TSPAN18: variants seen among roughly 807,000 people sequenced by gnomAD.
TSPAN18 encodes tetraspanin-18.
Under a neutral mutation model 27.3 loss-of-function variants are expected in TSPAN18, and 14 were observed. The ratio of observed to expected loss-of-function variants is 0.51; its 90% CI spans 0.34 to 0.80. The LOEUF (loss-of-function observed/expected upper bound fraction) is 0.80. Among genes scored for constraint, TSPAN18 ranks in the 30% least tolerant of loss-of-function variants. TSPAN18 has a pLI of 0.01. For synonymous variants in TSPAN18, 143 were observed against 136.5 expected (o/e 1.05, Z -0.33); for missense variants, 268 against 323.9 (o/e 0.83, Z 1.32).
intron 2 of TSPAN18, among the ~76,000 whole-genome samples, chr11:44,780,766 G>T (rs78561839): frequency 0.019 from 2,864 of 152,318 alleles, 108 homozygotes; most frequent in African/African-American, 0.065. Context: ...AGGGATCATG[G>T]TTCCTCACTC....
At chr11:44,798,560 G>A (rs964357729) in intron 2 of TSPAN18, among the ~76,000 whole-genome samples, 1 of 152,202 alleles carries the variant, frequency 6.6e-6, no homozygotes, top group African/African-American at 2.4e-5. Flanking sequence ...AAGCCACTCT[G>A]GGGGCCCCAA....
In TSPAN18 at chr11:44,906,622, T is replaced by C; in HGVS notation, c.63+143T>C. On this transcript the variant is annotated intron_variant, in intron 4 of 9. Transcript: ENST00000520358. ...GGGGTACCTGCCAGCCAGGCTTTCA[T>C]GGAAGGGGGCCCCCAGCAGTGCCCA... 3.8e-6 allele frequency: 3 copies of C among 794,088 alleles called. No individual in the cohort carries two copies. In the South Asian group the frequency reaches 4.7e-5, roughly 13 times the overall value. 49.2% of individuals were successfully genotyped at this position (794,088 alleles called of 1,614,324 possible).
chr11:44,870,736 C>A (rs1340393265), intron 3 of TSPAN18, among the ~76,000 whole-genome samples: 3 of 152,202 alleles, frequency 2.0e-5, no homozygotes, highest in Non-Finnish European at 4.4e-5. Flanking sequence ...CAGAGGATGG[C>A]TGGATTTAAA....
At chr11:44,917,595 G>A (rs748829598) in intron 5 of TSPAN18, 30 of 166,530 alleles carry the variant, frequency 1.8e-4, no homozygotes, top group Admixed American at 3.8e-4. Context: ...CAGGATTCTC[G>A]CAGCCCGTAC....
chr11:44,858,152 G>T (rs1857785008), intron 2 of TSPAN18, among the ~76,000 whole-genome samples: 2 of 152,126 alleles, frequency 1.3e-5, no homozygotes, highest in Admixed American at 1.3e-4. Context: ...CTGACCATGG[G>T]ACCTTTCTAT....
chr11:44,852,419 T>A (rs977508826), intron 2 of TSPAN18, among the ~76,000 whole-genome samples: 5 of 152,192 alleles, frequency 3.3e-5, no homozygotes, highest in Non-Finnish European at 7.3e-5. Context: ...TGGTCAGAAG[T>A]AGAGACAGGA....
intron 2 of TSPAN18, among the ~76,000 whole-genome samples, chr11:44,772,898 C>A (rs1855720639): frequency 1.3e-5 from 2 of 151,714 alleles, no homozygotes; most frequent in African/African-American, 4.8e-5. Context: ...CCTAGGCGAT[C>A]CACCTGCCTC....
At chr11:44,875,440 T>C (rs1422472083) in intron 3 of TSPAN18, among the ~76,000 whole-genome samples, 2 of 152,174 alleles carry the variant, frequency 1.3e-5, no homozygotes, top group Non-Finnish European at 2.9e-5. Context: ...TGCCGAGGGA[T>C]TTACCACCTC....
chr11:44,771,115 C>T (rs1855681011), intron 2 of TSPAN18, among the ~76,000 whole-genome samples: 1 of 152,144 alleles, frequency 6.6e-6, no homozygotes, highest in Non-Finnish European at 1.5e-5. Flanking sequence ...AATGAGATCA[C>T]TCAGGTAGTG....
At chr11:44,831,059 G>A (rs1197696377) in intron 2 of TSPAN18, among the ~76,000 whole-genome samples, 1 of 152,188 alleles carries the variant, frequency 6.6e-6, no homozygotes, top group Non-Finnish European at 1.5e-5. Flanking sequence ...GTTGCAGTGA[G>A]CTGAGATCAC....
In TSPAN18 at chr11:44,929,153, T is replaced by C. The variant is rs1860477816; in HGVS notation, c.722T>C (p.Met241Thr). ...CAGCTTTTCGCCATGATCTTTGCCA[T>C]GTGCCTCTTCCGGGGCATCCAGTAG... ...AIELFAMIFA[M>T]CLFRGIQ is the part of the protein sequence containing the mutation. The change falls in exon 10 of 10, where the codon ATG (methionine) becomes ACG (threonine). Residue 241 changes from methionine to threonine, a missense_variant. Coordinates refer to ENST00000520358, the MANE Select transcript of TSPAN18 (RefSeq NM_130783.5). 1.2e-6 allele frequency: 2 copies of C among 1,613,534 alleles called. No homozygotes were observed. The highest frequency in any genetic ancestry group is 1.3e-5 in the African/African-American group (1 of 74,914).
rs548748540 is a variant in TSPAN18 at position 44,894,595 on chromosome 11, C to T, written c.-10-11812C>T. 5.6e-4 allele frequency among the ~76,000 whole-genome samples: 86 copies of T among 152,324 alleles called. 1 individual carries two copies. Among genetic ancestry groups the T allele is most frequent in the African/African-American group, 1.9e-3 (78 of 41,570 alleles). On this transcript the variant is annotated intron_variant, in intron 3 of 9. Coordinates refer to ENST00000520358, the MANE Select transcript of TSPAN18 (RefSeq NM_130783.5). ...GCCGCCATCTGGGCGACAGGAGGGG[C>T]GAGATTAATAAAGCTGTCTGGCCCG...
intron 5 of TSPAN18, among the ~76,000 whole-genome samples, chr11:44,910,140 A>G (rs1220119648): frequency 6.6e-6 from 1 of 152,220 alleles, no homozygotes. Context: ...TTGGCAGCAG[A>G]GGGGATGATA....
intron 1 of TSPAN18, among the ~76,000 whole-genome samples, chr11:44,761,021 CTG>C (rs2134883910): frequency 6.6e-6 from 1 of 152,276 alleles, no homozygotes; most frequent in South Asian, 2.1e-4. Flanking sequence ...TCACAACAGC[CTG>C]TGAGTCATCA....
intron 1 of TSPAN18, among the ~76,000 whole-genome samples, chr11:44,735,397 C>G (rs948693130): frequency 6.6e-6 from 1 of 152,228 alleles, no homozygotes; most frequent in Non-Finnish European, 1.5e-5. Context: ...AAGCTAAAAG[C>G]CTGCAGACAA....
At chr11:44,815,846 G>A (rs111536461) in intron 2 of TSPAN18, among the ~76,000 whole-genome samples, 9,166 of 152,136 alleles carry the variant, frequency 0.06, 358 homozygotes, top group African/African-American at 0.11. Flanking sequence ...GAAGTGTGCC[G>A]GGCCGAGAGA....
intron 8 of TSPAN18, among the ~76,000 whole-genome samples, chr11:44,923,950 T>C (rs1860243209): frequency 1.3e-5 from 2 of 152,162 alleles, no homozygotes; most frequent in Admixed American, 6.5e-5. Flanking sequence ...AGATGAGCTG[T>C]CAAGGCCCAG....
intron 1 of TSPAN18, among the ~76,000 whole-genome samples, chr11:44,734,496 C>A (rs1486159240): frequency 6.6e-6 from 1 of 152,234 alleles, no homozygotes; most frequent in African/African-American, 2.4e-5. Flanking sequence ...GTTTGCACCT[C>A]TTCTCTCCCC....
chr11:44,755,434 G>A (rs924953994), intron 1 of TSPAN18, among the ~76,000 whole-genome samples: 2 of 151,954 alleles, frequency 1.3e-5, no homozygotes, highest in African/African-American at 4.8e-5. Context: ...GGTGGGAAGC[G>A]CTTCCCTCCC....
Sources: allele counts gnomAD v4.1 joint callset (sites outside exome capture counted in the v4.1 genomes callset), GRCh38; gene constraint gnomAD v4.1.1; transcripts MANE v1.5; gene names NCBI Gene and HGNC (gene_info 2026-07-23, HGNC 2026-07-21).